The following HTR3B variants were observed in gnomAD, a reference collection of about 807,000 sequenced individuals.
The protein encoded by HTR3B is 5-hydroxytryptamine receptor 3B.
In HTR3B, 44 loss-of-function variants were observed where a neutral mutation model predicts 42.8. The observed-to-expected ratio is 1.03, with a 90% CI of 0.81 to 1.32. The LOEUF is 1.32. Among genes scored for constraint, HTR3B ranks in the 40% most tolerant of loss-of-function variants. The probability of loss-of-function intolerance (pLI) is 0.00; values close to 1 mark genes in which losing one functional copy is unlikely to be tolerated. For missense variants in HTR3B, 527 were observed against 536.5 expected, an observed-to-expected ratio of 0.98 and a Z score of 0.17; for synonymous variants, 203 against 209.0, an observed-to-expected ratio of 0.97 and a Z score of 0.25.
At chr11:113,919,606 A>T (rs1445551425) in intron 2 of HTR3B, among the ~76,000 whole-genome samples, 1 of 152,124 alleles carries the variant, frequency 6.6e-6, no homozygotes, top group East Asian at 1.9e-4. Context: ...AGGCAGGTGG[A>T]TCACCTGAGG....
intron 2 of HTR3B, among the ~76,000 whole-genome samples, chr11:113,922,696 C>T (rs985388433): frequency 6.6e-6 from 1 of 151,928 alleles, no homozygotes; most frequent in African/African-American, 2.4e-5. Context: ...GCTGGGACTA[C>T]AGGCGCCCGC....
At chr11:113,924,801 A>G (rs1312566598) in intron 2 of HTR3B, among the ~76,000 whole-genome samples, 1 of 151,996 alleles carries the variant, frequency 6.6e-6, no homozygotes, top group Non-Finnish European at 1.5e-5. Context: ...CAAGGTTTTC[A>G]CTTTTTATAC....
chr11:113,903,614 A>G (rs1949711578), upstream of HTR3B, among the ~76,000 whole-genome samples: 2 of 151,714 alleles, frequency 1.3e-5, no homozygotes, highest in Non-Finnish European at 2.9e-5. Flanking sequence ...GTTTCAGTAG[A>G]GATGGGGCTC....
At chr11:113,926,676 C>T (rs1408568491) in intron 2 of HTR3B, among the ~76,000 whole-genome samples, 5 of 151,796 alleles carry the variant, frequency 3.3e-5, no homozygotes, top group Non-Finnish European at 7.4e-5. Context: ...CACAGGTGTG[C>T]GCCGCCACAC....
At chr11:113,907,628 A>G (rs747384832) in intron 1 of HTR3B, among the ~76,000 whole-genome samples, 7 of 152,122 alleles carry the variant, frequency 4.6e-5, no homozygotes, top group African/African-American at 1.2e-4. Context: ...AGAAAACATG[A>G]GTTTATCCAT....
intron 2 of HTR3B, among the ~76,000 whole-genome samples, chr11:113,916,574 T>C (rs1949856605): frequency 6.6e-6 from 1 of 152,220 alleles, no homozygotes; most frequent in African/African-American, 2.4e-5. Flanking sequence ...GACTCATCAA[T>C]GTCTATTTTT....
intron 2 of HTR3B, among the ~76,000 whole-genome samples, chr11:113,927,367 A>T (rs1424980827): frequency 6.6e-6 from 1 of 152,218 alleles, no homozygotes; most frequent in African/African-American, 2.4e-5. Context: ...ACTTAAAAAA[A>T]TACTAATGTT....
chr11:113,941,090 T>C (rs529391854), intron 6 of HTR3B, among the ~76,000 whole-genome samples: 4 of 152,208 alleles, frequency 2.6e-5, no homozygotes, highest in Non-Finnish European at 4.4e-5. Context: ...GAGGATTAAA[T>C]AAATCACACC....
intron 2 of HTR3B, among the ~76,000 whole-genome samples, chr11:113,921,966 CCTGT>C (rs1949919983): frequency 6.6e-6 from 1 of 151,974 alleles, no homozygotes; most frequent in African/African-American, 2.4e-5. Context: ...TAGTTTTATC[CCTGT>C]CTACCATCTT....
chr11:113,929,925 G>T (rs1253579571), intron 2 of HTR3B, among the ~76,000 whole-genome samples: 1 of 151,994 alleles, frequency 6.6e-6, no homozygotes, highest in Non-Finnish European at 1.5e-5. Flanking sequence ...GTAGAGACGG[G>T]GTTTTGCCGT....
At chr11:113,942,424 A>C (rs1045492072) in intron 6 of HTR3B, among the ~76,000 whole-genome samples, 2 of 152,156 alleles carry the variant, frequency 1.3e-5, no homozygotes, top group Non-Finnish European at 2.9e-5. Flanking sequence ...GCGCCATTGC[A>C]CTCTAGCCTG....
At chr11:113,944,782 C>T in intron 8 of HTR3B, 27 bp downstream of exon 8, 1 of 1,606,664 alleles carries the variant, frequency 6.2e-7, no homozygotes, top group Non-Finnish European at 8.5e-7. Context: ...GTGTTTCTCC[C>T]CCGTCTGGAT....
At chr11:113,913,453 C>T (rs190783107) in intron 2 of HTR3B, among the ~76,000 whole-genome samples, 142 of 147,396 alleles carry the variant, frequency 9.6e-4, no homozygotes, top group African/African-American at 3.4e-3. Context: ...TCAGGTGATC[C>T]GCCTGCCTTG....
intron 2 of HTR3B, among the ~76,000 whole-genome samples, chr11:113,920,274 C>A (rs547507356): frequency 2.6e-5 from 4 of 152,084 alleles, no homozygotes; most frequent in Non-Finnish European, 5.9e-5. Flanking sequence ...GTGATCTGCC[C>A]GCCTCAGCCT....
intron 2 of HTR3B, among the ~76,000 whole-genome samples, chr11:113,921,653 G>A (rs1949916112): frequency 1.3e-5 from 2 of 151,564 alleles, no homozygotes; most frequent in African/African-American, 2.4e-5. Context: ...CTTTCCTTTA[G>A]AGGTTTATTT....
At chr11:113,942,799 G>A (rs1291438032) in intron 6 of HTR3B, among the ~76,000 whole-genome samples, 183 bp from the exon 7 acceptor site, 1 of 152,056 alleles carries the variant, frequency 6.6e-6, no homozygotes, top group African/African-American at 2.4e-5. Flanking sequence ...AAACTTAAAG[G>A]ATTTTTTTCT....
intron 2 of HTR3B, among the ~76,000 whole-genome samples, chr11:113,928,166 G>A (rs936744550): frequency 5.3e-5 from 8 of 152,234 alleles, no homozygotes; most frequent in South Asian, 4.1e-4. Flanking sequence ...AGTTTGCTGA[G>A]GATAATGGCT....
At chr11:113,926,552 A>G (rs1040730400) in intron 2 of HTR3B, among the ~76,000 whole-genome samples, 7 of 99,698 alleles carry the variant, frequency 7.0e-5, no homozygotes, top group African/African-American at 2.9e-4. Context: ...TTTTTCAGAC[A>G]GAGTCTCACT....
Position 113,927,612 on chromosome 11 carries a change from G to C in HTR3B, c.214-3772G>C, listed in dbSNP as rs571396479. 3.2e-3 allele frequency among the ~76,000 whole-genome samples: 486 copies of C among 151,710 alleles called. 2 individuals carry two copies. The highest frequency in any genetic ancestry group is 0.011 in the African/African-American group (475 of 41,342). On this transcript the variant is annotated intron_variant, in intron 2 of 8. Transcript: ENST00000260191. ...GAGTCTCGCTTTGTTGCCCAGGCTG[G>C]AGAGCAGTGGCTCAATCTTAGCTCA...
Sources: gnomAD v4.1 joint callset for allele counts (sites outside exome capture counted in the v4.1 genomes callset) on GRCh38, gnomAD v4.1.1 for gene constraint, MANE v1.5 for transcripts, NCBI Gene and HGNC (gene_info 2026-07-23, HGNC 2026-07-21) for gene names.